The following ZC3H12B variants were observed in gnomAD, a reference collection of about 807,000 sequenced individuals.
The protein encoded by ZC3H12B is zinc finger CCCH-type containing 12B, also known as probable ribonuclease ZC3H12B.
ZC3H12B carries 7 observed loss-of-function variants against 43.9 expected under a neutral mutation model. The observed-to-expected ratio is 0.16, with a 90% confidence interval of 0.09 to 0.30. The LOEUF (loss-of-function observed/expected upper bound fraction) is 0.30, where lower values mean the gene tolerates loss of function less well. Among genes scored for constraint, ZC3H12B ranks in the 10% least tolerant of loss-of-function variants. The pLI is 1.00. For missense variants in ZC3H12B, 475 were observed against 670.2 expected (o/e 0.71, Z 3.22); for synonymous variants, 222 against 241.7 (o/e 0.92, Z 0.76).
chrX:65,041,632 C>T, the ZC3H12B span, among the ~76,000 whole-genome samples: 1 of 111,928 alleles, frequency 8.9e-6, no homozygotes, highest in Non-Finnish European at 1.9e-5. Context: ...AAATTCTGTG[C>T]ACTTACAAAC....
the ZC3H12B span, among the ~76,000 whole-genome samples, chrX:65,324,288 G>A: frequency 9.0e-6 from 1 of 111,644 alleles, no homozygotes; most frequent in African/African-American, 3.2e-5. Context: ...GTCCTAAATG[G>A]TACTGCCTAG....
chrX:65,206,105 C>A, the ZC3H12B span, among the ~76,000 whole-genome samples: 1 of 111,970 alleles, frequency 8.9e-6, no homozygotes, highest in East Asian at 2.8e-4. Context: ...TCTACAAATT[C>A]AATGCAATTT....
the ZC3H12B span, among the ~76,000 whole-genome samples, chrX:65,329,835 G>A: frequency 9.0e-6 from 1 of 111,055 alleles, no homozygotes; most frequent in African/African-American, 3.3e-5. Context: ...TTTTTGTCAG[G>A]TTTGTCAAAG....
chrX:65,206,713 A>G, the ZC3H12B span, among the ~76,000 whole-genome samples: 2 of 111,912 alleles, frequency 1.8e-5, no homozygotes, highest in Non-Finnish European at 3.8e-5. Context: ...CAATCAGCAG[A>G]GTTAACAGAC....
the ZC3H12B span, among the ~76,000 whole-genome samples, chrX:65,190,247 G>A: frequency 1.8e-5 from 2 of 110,386 alleles, no homozygotes; most frequent in African/African-American, 6.6e-5. Flanking sequence ...CTCCAGCTTT[G>A]TTCTTTTGGC....
intron 2 of ZC3H12B, among the ~76,000 whole-genome samples, chrX:65,383,696 C>A (rs1303177004): frequency 1.8e-5 from 2 of 110,791 alleles, no homozygotes; most frequent in Non-Finnish European, 3.8e-5. Context: ...ATTTTCACAA[C>A]CTACTCATCT....
At chrX:65,223,936 C>G in the ZC3H12B span, among the ~76,000 whole-genome samples, 1 of 112,177 alleles carries the variant, frequency 8.9e-6, no homozygotes, top group Non-Finnish European at 1.9e-5. Context: ...TTTGATCCAG[C>G]AATCCCACTC....
chrX:65,402,865 A>G (rs938090272), intron 3 of ZC3H12B, among the ~76,000 whole-genome samples: 1 of 112,122 alleles, frequency 8.9e-6, no homozygotes, highest in Non-Finnish European at 1.9e-5. Context: ...GGTATAAACA[A>G]ATCCAGATTG....
the ZC3H12B span, among the ~76,000 whole-genome samples, chrX:65,049,123 C>T: frequency 9.0e-6 from 1 of 110,962 alleles, no homozygotes; most frequent in Non-Finnish European, 1.9e-5. Context: ...CCGTGGGTTT[C>T]CTTTAACTCT....
upstream of ZC3H12B, among the ~76,000 whole-genome samples, chrX:65,362,860 A>G (rs2147964679): frequency 9.0e-6 from 1 of 110,848 alleles, no homozygotes; most frequent in Admixed American, 9.6e-5. Flanking sequence ...TTATCAACCA[A>G]ATTGTCTTGC....
At chrX:65,255,878 G>A in the ZC3H12B span, among the ~76,000 whole-genome samples, 1 of 111,598 alleles carries the variant, frequency 9.0e-6, no homozygotes, top group Admixed American at 9.5e-5. Context: ...AAAAATCAGG[G>A]GTTGCTATTC....
chrX:65,189,713 G>C, the ZC3H12B span, among the ~76,000 whole-genome samples: 5 of 108,399 alleles, frequency 4.6e-5, no homozygotes, highest in Non-Finnish European at 9.5e-5. Context: ...TGTCAGATGA[G>C]TAGGTTGCGA....
intron 2 of ZC3H12B, among the ~76,000 whole-genome samples, chrX:65,381,441 C>T (rs1219960562): frequency 1.8e-5 from 2 of 111,305 alleles, no homozygotes; most frequent in African/African-American, 6.6e-5. Context: ...TTCTCTGAGA[C>T]ACATTCAAAG....
chrX:65,273,974 C>A, the ZC3H12B span, among the ~76,000 whole-genome samples: 2 of 111,998 alleles, frequency 1.8e-5, no homozygotes, highest in Non-Finnish European at 3.8e-5. Flanking sequence ...GATTTTACTG[C>A]AGTGTCAAAG....
At chrX:65,095,668 T>C in the ZC3H12B span, among the ~76,000 whole-genome samples, 1 of 111,868 alleles carries the variant, frequency 8.9e-6, no homozygotes, top group Non-Finnish European at 1.9e-5. Flanking sequence ...GAGCATTCTG[T>C]TATTCTTAAC....
the ZC3H12B span, among the ~76,000 whole-genome samples, chrX:65,140,608 C>T: frequency 1.1e-4 from 12 of 111,575 alleles, no homozygotes; most frequent in African/African-American, 1.3e-4. Flanking sequence ...TTTGGTATTA[C>T]GTCTTCAATT....
the ZC3H12B span, among the ~76,000 whole-genome samples, chrX:65,109,790 G>T: frequency 9.0e-6 from 1 of 111,474 alleles, no homozygotes; most frequent in African/African-American, 3.3e-5. Flanking sequence ...TTGCAAAATA[G>T]ACGTACCATT....
At chrX:65,229,762 C>T in the ZC3H12B span, among the ~76,000 whole-genome samples, 142 of 104,454 alleles carry the variant, frequency 1.4e-3, no homozygotes, top group African/African-American at 4.0e-3. Context: ...GACATTTATG[C>T]AGCCAAAAAA....
chrX:65,188,265 A>G, the ZC3H12B span, among the ~76,000 whole-genome samples: 1 of 111,448 alleles, frequency 9.0e-6, no homozygotes, highest in Non-Finnish European at 1.9e-5. Context: ...TGTTGCAATA[A>G]ACACAGGAGT....
Sources: gnomAD v4.1 joint callset for allele counts (sites outside exome capture counted in the v4.1 genomes callset) on GRCh38, gnomAD v4.1.1 for gene constraint, MANE v1.5 for transcripts, NCBI Gene and HGNC (gene_info 2026-07-23, HGNC 2026-07-21) for gene names.